MICU1: variants seen among roughly 807,000 people sequenced by gnomAD.
MICU1 encodes calcium uptake protein 1, mitochondrial.
A neutral mutation model predicts 56.8 loss-of-function variants in MICU1; 45 were observed. The observed-to-expected ratio is 0.79, with a 90% CI of 0.62 to 1.02. The LOEUF (loss-of-function observed/expected upper bound fraction) is 1.02. Among genes scored for constraint, MICU1 ranks in the 50% least tolerant of loss-of-function variants. The probability of loss-of-function intolerance (pLI) is 0.00; values close to 1 mark genes in which losing one functional copy is unlikely to be tolerated. For synonymous variants in MICU1, 186 were observed against 195.1 expected (o/e 0.95, Z 0.39); for missense variants, 504 against 587.1 (o/e 0.86, Z 1.46).
chr10:72,387,756 G>GGGTA (rs111368590), intron 10 of MICU1, among the ~76,000 whole-genome samples: 2 of 149,174 alleles, frequency 1.3e-5, no homozygotes, highest in East Asian at 3.9e-4. Flanking sequence ...AGAGAACAAA[G>GGGTA]AGCCTTATCT....
intron 5 of MICU1, among the ~76,000 whole-genome samples, chr10:72,509,563 A>G (rs1867373144): frequency 6.6e-6 from 1 of 152,244 alleles, no homozygotes; most frequent in Non-Finnish European, 1.5e-5. Context: ...CATAAGAAAC[A>G]GTAGCTATGG....
At chr10:72,379,418 T>C (rs1050682032) in intron 10 of MICU1, 9 of 260,304 alleles carry the variant, frequency 3.5e-5, no homozygotes, top group Admixed American at 5.0e-5. Flanking sequence ...TAGATAAACA[T>C]GAACACTTTC....
At chr10:72,428,820 A>G (rs1864433068) in intron 8 of MICU1, among the ~76,000 whole-genome samples, 1 of 152,188 alleles carries the variant, frequency 6.6e-6, no homozygotes, top group Non-Finnish European at 1.5e-5. Context: ...GGTGTCAGGG[A>G]AAAATATTTT....
chr10:72,400,021 C>G (rs549310898), intron 10 of MICU1, among the ~76,000 whole-genome samples: 21 of 152,136 alleles, frequency 1.4e-4, no homozygotes, highest in Admixed American at 1.3e-3. Flanking sequence ...TTTCCCCCTT[C>G]CAACTCAGTA....
intron 1 of MICU1, among the ~76,000 whole-genome samples, chr10:72,570,245 C>T (rs1036585631): frequency 6.6e-6 from 1 of 152,022 alleles, no homozygotes; most frequent in African/African-American, 2.4e-5. Flanking sequence ...ATGCCCAGCC[C>T]ACTGATTCCT....
At chr10:72,536,597 C>T (rs1334233974) in intron 4 of MICU1, among the ~76,000 whole-genome samples, 9 of 152,098 alleles carry the variant, frequency 5.9e-5, no homozygotes, top group African/African-American at 1.7e-4. Context: ...ATGATCCGCC[C>T]GCCTCAGCCT....
At chr10:72,432,339 A>G (rs1864567623) in intron 8 of MICU1, among the ~76,000 whole-genome samples, 1 of 152,178 alleles carries the variant, frequency 6.6e-6, no homozygotes, top group Non-Finnish European at 1.5e-5. Context: ...TCTGTTGCCC[A>G]GGATGGTCTC....
At chr10:72,528,070 C>T (rs968579316) in intron 5 of MICU1, among the ~76,000 whole-genome samples, 3 of 152,194 alleles carry the variant, frequency 2.0e-5, no homozygotes, top group Non-Finnish European at 4.4e-5. Flanking sequence ...AAGTGATCCA[C>T]CTGCCTCGGC....
intron 4 of MICU1, among the ~76,000 whole-genome samples, chr10:72,541,972 A>G (rs1005983560): frequency 1.3e-5 from 2 of 152,232 alleles, no homozygotes; most frequent in Admixed American, 6.5e-5. Flanking sequence ...AAGAACGGCT[A>G]CCTGTTCTTT....
intron 10 of MICU1, among the ~76,000 whole-genome samples, chr10:72,399,193 T>C (rs1273548551): frequency 6.6e-6 from 1 of 152,052 alleles, no homozygotes; most frequent in Non-Finnish European, 1.5e-5. Context: ...ACCATCATTC[T>C]GAGCAAACTA....
chr10:72,533,745 C>T lies in MICU1; in HGVS notation c.537+1G>A, dbSNP rs1839553121. The T allele has an allele frequency of 1.2e-6, 2 of 1,600,852 alleles. No homozygotes were observed. The highest frequency in any genetic ancestry group is 1.7e-6 in the Non-Finnish European group (2 of 1,172,042). On this transcript the variant is annotated splice_donor_variant, in intron 5 of 11. Coordinates refer to ENST00000361114, the MANE Select transcript of MICU1 (RefSeq NM_001195518.2). LOFTEE classifies it high-confidence loss of function. ...GTATAGAAGTGTCATAGTTTGCTCA[C>T]CTTTCCATCAAAGCGTTTTATTATA... is the stretch of plus-strand genomic sequence containing the variant.
chr10:72,570,092 T>C (rs569307766), intron 1 of MICU1, among the ~76,000 whole-genome samples: 2 of 152,206 alleles, frequency 1.3e-5, no homozygotes, highest in East Asian at 3.9e-4. Context: ...ATTACAGAAG[T>C]GTGCTACCAT....
At chr10:72,478,018 A>T (rs1866176833) in intron 6 of MICU1, among the ~76,000 whole-genome samples, 1 of 152,042 alleles carries the variant, frequency 6.6e-6, no homozygotes, top group African/African-American at 2.4e-5. Flanking sequence ...ACAGGCATGT[A>T]CAACCATGCC....
chr10:72,615,745 C>T (rs1453267857), intron 1 of MICU1, among the ~76,000 whole-genome samples: 1 of 152,156 alleles, frequency 6.6e-6, no homozygotes, highest in South Asian at 2.1e-4. Flanking sequence ...AATCCCAGCA[C>T]TTTGGGAGGC....
chr10:72,602,038 T>G (rs1841552123), intron 1 of MICU1, among the ~76,000 whole-genome samples: 1 of 151,142 alleles, frequency 6.6e-6, no homozygotes, highest in Non-Finnish European at 1.5e-5. Flanking sequence ...GACCTCGTGA[T>G]CAACCCACCT....
intron 8 of MICU1, among the ~76,000 whole-genome samples, chr10:72,424,659 C>T (rs1276130360): frequency 6.6e-6 from 1 of 152,110 alleles, no homozygotes; most frequent in Admixed American, 6.6e-5. Flanking sequence ...CTACTATTAG[C>T]TCCACTCTGC....
At chr10:72,535,793 A>G (rs1300473976) in intron 4 of MICU1, among the ~76,000 whole-genome samples, 2 of 152,214 alleles carry the variant, frequency 1.3e-5, no homozygotes, top group Non-Finnish European at 2.9e-5. Context: ...TTGCATCAGC[A>G]CTGTCCAACA....
At chr10:72,412,345 CTT>C (rs367693310) in intron 9 of MICU1, among the ~76,000 whole-genome samples, 18 of 152,132 alleles carry the variant, frequency 1.2e-4, no homozygotes, top group African/African-American at 4.3e-4. Flanking sequence ...GGAACTGTCT[CTT>C]AGAGGAGTTA....
intron 6 of MICU1, among the ~76,000 whole-genome samples, chr10:72,502,475 T>C (rs1292968903): frequency 6.6e-6 from 1 of 152,204 alleles, no homozygotes; most frequent in East Asian, 1.9e-4. Context: ...TAACTTTGAA[T>C]GAAAACAGCT....
Sources: allele counts gnomAD v4.1 joint callset (sites outside exome capture counted in the v4.1 genomes callset), GRCh38; gene constraint gnomAD v4.1.1; transcripts MANE v1.5; gene names NCBI Gene and HGNC (gene_info 2026-07-23, HGNC 2026-07-21).